CLIC5: variants seen among roughly 807,000 people sequenced by gnomAD.
The protein encoded by CLIC5 is chloride intracellular channel protein 5.
CLIC5 carries 20 observed loss-of-function variants against 24.7 expected under a neutral mutation model. The observed-to-expected ratio is 0.81, with a 90% CI of 0.57 to 1.18. The LOEUF (loss-of-function observed/expected upper bound fraction) is 1.18. Ranked by LOEUF, CLIC5 falls within the 50% of genes most tolerant of loss-of-function variation. CLIC5 has a pLI of 0.00. For missense variants in CLIC5, 341 were observed against 326.1 expected, an observed-to-expected ratio of 1.05 and a Z score of -0.35; for synonymous variants, 159 against 135.6, an observed-to-expected ratio of 1.17 and a Z score of -1.20.
intron 1 of CLIC5, among the ~76,000 whole-genome samples, chr6:46,042,634 G>A (rs1193025197): frequency 6.6e-6 from 1 of 152,086 alleles, no homozygotes; most frequent in Non-Finnish European, 1.5e-5. Flanking sequence ...CTCTCAATGA[G>A]ACAATGAAAA....
At chr6:45,978,303 T>C (rs12209924) in intron 1 of CLIC5, among the ~76,000 whole-genome samples, 99,569 of 151,960 alleles carry the variant, frequency 0.66, 32,958 homozygotes, top group Admixed American at 0.73. Context: ...TGGGCTTCCT[T>C]GTCATTGTGT....
chr6:45,969,807 T>TG (rs1192646741), intron 1 of CLIC5, among the ~76,000 whole-genome samples: 2 of 150,480 alleles, frequency 1.3e-5, no homozygotes, highest in African/African-American at 2.4e-5. Flanking sequence ...TTTTTTTTTT[T>TG]TTTTTTTTTT....
downstream of CLIC5, among the ~76,000 whole-genome samples, chr6:45,897,542 GTCC>G (rs1762410040): frequency 2.6e-5 from 4 of 152,178 alleles, no homozygotes; most frequent in South Asian, 8.3e-4. Context: ...TACTGCACCT[GTCC>G]TGAGACCCTA....
chr6:45,989,249 G>T (rs964984874), intron 1 of CLIC5, among the ~76,000 whole-genome samples: 3 of 152,128 alleles, frequency 2.0e-5, no homozygotes, highest in Non-Finnish European at 4.4e-5. Context: ...CTCCTTTCCT[G>T]ATTGTCATCA....
chr6:45,994,668 C>T (rs183534279), intron 1 of CLIC5, among the ~76,000 whole-genome samples: 13 of 152,270 alleles, frequency 8.5e-5, no homozygotes, highest in Admixed American at 8.5e-4. Flanking sequence ...CACCATGTCT[C>T]ATGAGTGGTG....
intron 1 of CLIC5, among the ~76,000 whole-genome samples, chr6:46,021,877 T>C (rs1767194758): frequency 6.6e-6 from 1 of 152,234 alleles, no homozygotes; most frequent in African/African-American, 2.4e-5. Context: ...CTGTATGTGT[T>C]AAAATATACA....
At chr6:46,008,113 T>C (rs986676288) in intron 1 of CLIC5, among the ~76,000 whole-genome samples, 1 of 152,180 alleles carries the variant, frequency 6.6e-6, no homozygotes, top group African/African-American at 2.4e-5. Flanking sequence ...TCTCCTATTG[T>C]GTGTAGACAC....
chr6:46,025,058 A>C (rs1182988306), intron 1 of CLIC5, among the ~76,000 whole-genome samples: 2 of 152,008 alleles, frequency 1.3e-5, no homozygotes, highest in Non-Finnish European at 2.9e-5. Flanking sequence ...TTCAAAAGAG[A>C]ATGTCTTATA....
intron 4 of CLIC5, chr6:45,932,756 A>G (rs1763786985): frequency 6.6e-6 from 1 of 152,276 alleles, no homozygotes; most frequent in African/African-American, 2.4e-5. Flanking sequence ...TGCAGGTGGC[A>G]CCTCTTAGAA....
At chr6:45,979,533 T>C (rs1378589443) in intron 1 of CLIC5, among the ~76,000 whole-genome samples, 2 of 152,200 alleles carry the variant, frequency 1.3e-5, no homozygotes, top group Non-Finnish European at 2.9e-5. Flanking sequence ...TTCTGCCTTG[T>C]CCTGAATCAC....
At chr6:46,094,878 T>C in the CLIC5 span, among the ~76,000 whole-genome samples, 10 of 152,260 alleles carry the variant, frequency 6.6e-5, no homozygotes, top group East Asian at 1.9e-4. Flanking sequence ...ATTGCCCTAA[T>C]AGAGGTTCTC....
At chr6:46,048,079 T>G (rs1768004905) in intron 1 of CLIC5, among the ~76,000 whole-genome samples, 1 of 151,704 alleles carries the variant, frequency 6.6e-6, no homozygotes. Context: ...TTTGGCTCAC[T>G]GCAACCTCTA....
chr6:45,891,552 T>C (rs1391737277), intron 6 of CLIC5, among the ~76,000 whole-genome samples: 2 of 119,586 alleles, frequency 1.7e-5, no homozygotes, highest in African/African-American at 7.4e-5. Flanking sequence ...AGGGGAATCG[T>C]TTGAACCCGG....
At chr6:46,120,609 A>C in the CLIC5 span, among the ~76,000 whole-genome samples, 1 of 152,254 alleles carries the variant, frequency 6.6e-6, no homozygotes, top group South Asian at 2.1e-4. Context: ...TGAGAGAAGA[A>C]GGCTTCAGAT....
intron 1 of CLIC5, among the ~76,000 whole-genome samples, chr6:46,024,826 C>T (rs1019386343): frequency 6.6e-6 from 1 of 152,144 alleles, no homozygotes; most frequent in African/African-American, 2.4e-5. Context: ...CAGTGATACA[C>T]TTTAAGAGTG....
rs568233848 is a variant in CLIC5, at chr6:46,077,120, C to CT, written c.540+2582dup. On this transcript the variant is annotated intron_variant, in intron 1 of 5. Transcript: ENST00000185206. ...AAAAAAAAGTGCATGGGAGACGAGA[C>CT]TTTTTTTTTCTTCATTGGTGTAAAC... is the stretch of plus-strand genomic sequence containing the variant. 1.7e-3 allele frequency among the ~76,000 whole-genome samples: 263 copies of CT among 151,182 alleles called. 4 individuals are homozygous for CT. The East Asian group carries it at 0.046, about 26-fold the overall frequency.
upstream of CLIC5, among the ~76,000 whole-genome samples, chr6:46,083,096 T>TC (rs1762959582): frequency 6.6e-6 from 1 of 152,252 alleles, no homozygotes; most frequent in Non-Finnish European, 1.5e-5. Flanking sequence ...GCCTATTTTT[T>TC]CACGTTGCTA....
At chr6:46,117,101 C>A in the CLIC5 span, among the ~76,000 whole-genome samples, 3 of 152,170 alleles carry the variant, frequency 2.0e-5, no homozygotes, top group African/African-American at 7.2e-5. Context: ...TTGTCCCTGG[C>A]CAATCTGAGG....
At chr6:45,977,649 C>G (rs2127410523) in intron 1 of CLIC5, among the ~76,000 whole-genome samples, 1 of 152,212 alleles carries the variant, frequency 6.6e-6, no homozygotes, top group Non-Finnish European at 1.5e-5. Context: ...GCCTCCCCTC[C>G]CCTCTAGGCA....
Sources: gnomAD v4.1 joint callset for allele counts (sites outside exome capture counted in the v4.1 genomes callset) on GRCh38, gnomAD v4.1.1 for gene constraint, MANE v1.5 for transcripts, NCBI Gene and HGNC (gene_info 2026-07-23, HGNC 2026-07-21) for gene names.